Variants in ENOX1 observed in about 807,000 individuals in gnomAD.
ENOX1 encodes ecto-NOX disulfide-thiol exchanger 1.
Under a neutral mutation model 82.5 loss-of-function variants are expected in ENOX1, and 42 were observed. The observed-to-expected ratio is 0.51, with a 90% CI of 0.40 to 0.66. The LOEUF is 0.66. ENOX1 is among the 30% of genes least tolerant of loss of function. The pLI, the probability that ENOX1 is intolerant of heterozygous loss-of-function variation, is 0.00. For synonymous variants in ENOX1, 271 were observed against 282.2 expected, an observed-to-expected ratio of 0.96 and a Z score of 0.40; for missense variants, 608 against 811.6, an observed-to-expected ratio of 0.75 and a Z score of 3.05.
intron 9 of ENOX1, among the ~76,000 whole-genome samples, chr13:43,333,244 G>T (rs1194933046): frequency 6.6e-6 from 1 of 152,156 alleles, no homozygotes; most frequent in East Asian, 1.9e-4. Context: ...ATTTTGAAAG[G>T]TACTGGCAAG....
intron 2 of ENOX1, among the ~76,000 whole-genome samples, chr13:43,655,775 T>G (rs17538959): frequency 0.24 from 37,068 of 152,096 alleles, 5,022 homozygotes; most frequent in Non-Finnish European, 0.32. Context: ...GTTCTCCAGA[T>G]AGCAGGACAA....
intron 1 of ENOX1, among the ~76,000 whole-genome samples, chr13:43,769,942 G>A (rs1951493761): frequency 6.6e-6 from 1 of 152,134 alleles, no homozygotes; most frequent in East Asian, 1.9e-4. Context: ...GGCTTAGATG[G>A]CTTATGTAAA....
chr13:43,450,607 A>C (rs2056913920), intron 3 of ENOX1, among the ~76,000 whole-genome samples: 1 of 152,136 alleles, frequency 6.6e-6, no homozygotes, highest in Non-Finnish European at 1.5e-5. Flanking sequence ...TAGGATAGCT[A>C]ATTTAAATAA....
In ENOX1 at chr13:43,743,773, A is replaced by G. The variant is rs78335458; in HGVS notation, c.-285+42879T>C. 6.8e-4 allele frequency among the ~76,000 whole-genome samples: 104 copies of G among 152,278 alleles called. No individual in the cohort carries two copies. In the East Asian group the frequency reaches 0.02, roughly 29 times the overall value. ...TCTTAGTCTGTTTTGTAATGCTATA[A>G]CAGAATACTTAAGATTGTGTAATTT... On this transcript the variant is annotated intron_variant, in intron 1 of 16. Transcript: ENST00000690772.
At chr13:43,649,835 C>T (rs903710580) in intron 2 of ENOX1, among the ~76,000 whole-genome samples, 2 of 152,184 alleles carry the variant, frequency 1.3e-5, no homozygotes, top group African/African-American at 4.8e-5. Context: ...AGGCAACAGC[C>T]TAAGTCCCAA....
intron 5 of ENOX1, among the ~76,000 whole-genome samples, chr13:43,380,580 A>G (rs746568888): frequency 6.6e-6 from 1 of 151,760 alleles, no homozygotes; most frequent in Non-Finnish European, 1.5e-5. Context: ...TTAAATATAA[A>G]CAGTCTAAAT....
intron 16 of ENOX1, among the ~76,000 whole-genome samples, chr13:43,222,451 C>T (rs1485485651): frequency 2.0e-5 from 3 of 151,888 alleles, no homozygotes; most frequent in East Asian, 1.9e-4. Flanking sequence ...TCTCAGCCTG[C>T]GATGATGGAG....
chr13:43,360,539 A>C (rs1259936396), intron 6 of ENOX1, among the ~76,000 whole-genome samples: 1 of 152,174 alleles, frequency 6.6e-6, no homozygotes, highest in Non-Finnish European at 1.5e-5. Flanking sequence ...CCTGAAAAAA[A>C]CCACTTTGTT....
chr13:43,314,112 T>C (rs187346138), intron 11 of ENOX1, among the ~76,000 whole-genome samples: 210 of 152,324 alleles, frequency 1.4e-3, no homozygotes, highest in African/African-American at 5.0e-3. Context: ...AAAATTTTCT[T>C]TCTCTAGCCA....
intron 5 of ENOX1, among the ~76,000 whole-genome samples, chr13:43,393,695 C>G (rs950369042): frequency 3.3e-5 from 5 of 152,156 alleles, no homozygotes; most frequent in Admixed American, 2.6e-4. Flanking sequence ...AAGAATTATA[C>G]ATGAAACAAG....
intron 2 of ENOX1, among the ~76,000 whole-genome samples, chr13:43,492,996 A>G (rs1321293404): frequency 2.6e-5 from 4 of 152,214 alleles, no homozygotes; most frequent in Admixed American, 2.0e-4. Context: ...CCCCCAAGAA[A>G]GGGAATTCTG....
chr13:43,219,071 C>T (rs975406732), intron 16 of ENOX1, among the ~76,000 whole-genome samples: 17 of 152,140 alleles, frequency 1.1e-4, no homozygotes, highest in African/African-American at 2.4e-5. Flanking sequence ...TACCCCTTTC[C>T]TCATCTCCTG....
At chr13:43,250,980 A>C (rs891311420) in intron 14 of ENOX1, among the ~76,000 whole-genome samples, 3 of 152,160 alleles carry the variant, frequency 2.0e-5, no homozygotes, top group Non-Finnish European at 4.4e-5. Flanking sequence ...ATTATCTGGG[A>C]GCTTACTAGA....
At chr13:43,369,874 C>G (rs371373792) in intron 5 of ENOX1, among the ~76,000 whole-genome samples, 1 of 152,232 alleles carries the variant, frequency 6.6e-6, no homozygotes, top group Non-Finnish European at 1.5e-5. Flanking sequence ...GCCTTCCTGG[C>G]AGATGCCTAC....
At chr13:43,776,476 C>T (rs1951925512) in intron 1 of ENOX1, among the ~76,000 whole-genome samples, 1 of 152,044 alleles carries the variant, frequency 6.6e-6, no homozygotes, top group Non-Finnish European at 1.5e-5. Flanking sequence ...TGTCAGAAGA[C>T]AAAAAATCTC....
At chr13:43,561,321 G>A (rs1490021602) in intron 2 of ENOX1, among the ~76,000 whole-genome samples, 2 of 152,118 alleles carry the variant, frequency 1.3e-5, no homozygotes, top group Non-Finnish European at 2.9e-5. Context: ...CAGATAGAGA[G>A]GCAGAGTATA....
chr13:43,594,715 T>C (rs1484357520), intron 2 of ENOX1, among the ~76,000 whole-genome samples: 2 of 152,194 alleles, frequency 1.3e-5, no homozygotes, highest in South Asian at 2.1e-4. Context: ...CATGGGCTCA[T>C]AGCTAACTAT....
intron 1 of ENOX1, among the ~76,000 whole-genome samples, chr13:43,779,619 C>A (rs1346056591): frequency 2.6e-5 from 4 of 152,200 alleles, no homozygotes; most frequent in Non-Finnish European, 5.9e-5. Context: ...TGGGTGGGAT[C>A]TGGAAATCAG....
chr13:43,439,546 T>C (rs113700779), intron 3 of ENOX1, among the ~76,000 whole-genome samples: 2,478 of 152,290 alleles, frequency 0.016, 56 homozygotes, highest in African/African-American at 0.056. Flanking sequence ...TGTTATAGTG[T>C]TCCTGGCTTC....
Sources: allele counts gnomAD v4.1 joint callset (sites outside exome capture counted in the v4.1 genomes callset), GRCh38; gene constraint gnomAD v4.1.1; transcripts MANE v1.5; gene names NCBI Gene and HGNC (gene_info 2026-07-23, HGNC 2026-07-21).